Variants in CTH observed in about 807,000 individuals in gnomAD.
The protein encoded by CTH is cystathionine gamma-lyase, also known as cystathionase (cystathionine gamma-lyase).
In CTH, 41 loss-of-function variants were observed where a neutral mutation model predicts 50.6. The ratio of observed to expected loss-of-function variants is 0.81; its 90% CI spans 0.63 to 1.05. CTH has a LOEUF of 1.05. Among genes scored for constraint, CTH ranks in the 50% least tolerant of loss-of-function variants. The pLI, the probability that CTH is intolerant of heterozygous loss-of-function variation, is 0.00. For synonymous variants in CTH, 156 were observed against 168.9 expected (o/e 0.92, Z 0.59); for missense variants, 470 against 492.6 (o/e 0.95, Z 0.43).
chr1:70,430,196 G>C, intron 6 of CTH, 121 bp from the exon 7 acceptor site: 1 of 691,276 alleles, frequency 1.4e-6, no homozygotes. Context: ...TTATTTTATA[G>C]AGCTTTTTCC....
intron 5 of CTH, among the ~76,000 whole-genome samples, chr1:70,425,704 TAGGAGCAAGAGAG>T (rs1684331988): frequency 1.3e-5 from 2 of 151,656 alleles, no homozygotes; most frequent in Non-Finnish European, 2.9e-5. Context: ...ATGACCAGAG[TAGGAGCAAGAGAG>T]AGAACGAGGG....
intron 8 of CTH, 115 bp downstream of exon 8, chr1:70,432,350 A>G: frequency 7.7e-7 from 1 of 1,296,038 alleles, no homozygotes; most frequent in Non-Finnish European, 1.1e-6. Flanking sequence ...GTTTTTGTTC[A>G]TTTATTATTG....
chr1:70,438,850 G>GTGTA (rs2101765170), intron 11 of CTH, 24 bp downstream of exon 11: 1 of 1,608,616 alleles, frequency 6.2e-7, no homozygotes, highest in South Asian at 1.1e-5. Context: ...TTGTGTGTGT[G>GTGTA]TGTGTGTGTG....
chr1:70,416,126 C>A, intron 2 of CTH, 89 bp downstream of exon 2: 1 of 842,696 alleles, frequency 1.2e-6, no homozygotes, highest in Non-Finnish European at 2.0e-6. Flanking sequence ...TGAAAAGAAA[C>A]AGATTTGCTA....
chr1:70,422,991 C>T (rs934020791), intron 4 of CTH, among the ~76,000 whole-genome samples: 2 of 152,052 alleles, frequency 1.3e-5, no homozygotes, highest in African/African-American at 4.8e-5. Flanking sequence ...AGTGACTCTA[C>T]CAACTTGAAT....
chr1:70,432,198 G>A lies in CTH; in HGVS notation c.840G>A (p.Leu280=), dbSNP rs1684491501. 2 of 1,614,048 alleles carry A rather than the reference G, an allele frequency of 1.2e-6. No homozygotes were observed. The highest frequency in any genetic ancestry group is 1.3e-5 in the African/African-American group (1 of 74,928). Residue 280 remains leucine (L), a synonymous_variant, in exon 8 of 12, where the codon CTG becomes CTA. Transcript: ENST00000370938. ...ACGGAATGGCAGTTGCCCAGTTCCT[G>A]GAATCTAATCCTTGGGTAGAAAAGG... ...FKNGMAVAQF[L]ESNPWVEKVI...
intron 6 of CTH, 80 bp downstream of exon 6, chr1:70,429,931 G>A: frequency 2.0e-6 from 2 of 1,007,062 alleles, no homozygotes; most frequent in South Asian, 2.6e-5. Flanking sequence ...CCTTTTCTTT[G>A]ATTATTTTGT....
chr1:70,438,377 A>T (rs887287322), intron 10 of CTH, among the ~76,000 whole-genome samples: 5 of 152,206 alleles, frequency 3.3e-5, no homozygotes, highest in Non-Finnish European at 7.3e-5. Context: ...AGGTATTAAA[A>T]TATACACATT....
intron 5 of CTH, among the ~76,000 whole-genome samples, chr1:70,428,321 A>G (rs943783053): frequency 2.6e-5 from 4 of 152,192 alleles, no homozygotes; most frequent in African/African-American, 4.8e-5. Context: ...TTGGTGTTCT[A>G]CTGCACAAAA....
chr1:70,438,258 T>C (rs559062), intron 10 of CTH, among the ~76,000 whole-genome samples: 114,990 of 152,112 alleles, frequency 0.76, 43,592 homozygotes, highest in East Asian at 0.82. Flanking sequence ...CTGGATTGAT[T>C]CAGAGGAAAC....
At chr1:70,414,793 G>C (rs933271450) in intron 1 of CTH, among the ~76,000 whole-genome samples, 1 of 151,946 alleles carries the variant, frequency 6.6e-6, no homozygotes, top group Non-Finnish European at 1.5e-5. Flanking sequence ...AGCTAGCAGG[G>C]TGCCATATAT....
chr1:70,430,213 G>A (rs1684433539), intron 6 of CTH, 104 bp from the exon 7 acceptor site: 1 of 736,824 alleles, frequency 1.4e-6, no homozygotes. Flanking sequence ...TTCCCTGAGA[G>A]TTTTTTCAAG....
intron 1 of CTH, among the ~76,000 whole-genome samples, chr1:70,414,154 C>T (rs1228750615): frequency 6.6e-6 from 1 of 151,408 alleles, no homozygotes; most frequent in East Asian, 1.9e-4. Flanking sequence ...CTGCAGGGTA[C>T]AGCTGCAGGT....
chr1:70,420,018 G>C (rs1180854477), intron 3 of CTH, among the ~76,000 whole-genome samples: 1 of 149,780 alleles, frequency 6.7e-6, no homozygotes, highest in Non-Finnish European at 1.5e-5. Flanking sequence ...TTTTGAGGTG[G>C]AGTCTTGCTC....
chr1:70,417,944 C>T lies in CTH; in HGVS notation c.258C>T (p.Ala86=), dbSNP rs772530273. The change falls in exon 3 of 12, where the codon GCC becomes GCT. Residue 86 remains alanine (A), a synonymous_variant. Coordinates refer to ENST00000370938, the MANE Select transcript of CTH (RefSeq NM_001902.6). The stretch of plus-strand genomic sequence containing the variant: ...ACTTGATTTTTATTTTAGGTTTGGC[C>T]TTTGCTTCAGGTTTAGCAGCCACTG... ...AALDGAKYCL[A]FASGLAATVT... is the part of the protein sequence containing the mutation. The T allele has an allele frequency of 1.1e-5, 17 of 1,613,842 alleles. No individual in the cohort carries two copies. The highest frequency in any genetic ancestry group is 1.7e-5 in the Admixed American group (1 of 59,992).
intron 11 of CTH, 37 bp from the exon 12 acceptor site, chr1:70,439,064 T>C (rs752952965): frequency 3.1e-6 from 5 of 1,598,146 alleles, no homozygotes; most frequent in Non-Finnish European, 4.3e-6. Context: ...GGCCTATATG[T>C]TTAATAACAT....
chr1:70,424,547 A>G, intron 5 of CTH, 131 bp downstream of exon 5: 1 of 1,464,560 alleles, frequency 6.8e-7, no homozygotes, highest in Non-Finnish European at 9.3e-7. Context: ...TATTTACTGG[A>G]TCGAGAATTA....
intron 1 of CTH, 139 bp from the exon 2 acceptor site, chr1:70,415,817 T>C: frequency 1.5e-6 from 1 of 689,498 alleles, no homozygotes; most frequent in East Asian, 2.8e-5. Context: ...AGCACTGTTC[T>C]GCTTCTGTAT....
intron 3 of CTH, 78 bp downstream of exon 3, chr1:70,418,110 A>C: frequency 6.7e-7 from 1 of 1,501,932 alleles, no homozygotes. Context: ...TAATATTAAC[A>C]ATGTTGCCAG....
Sources: gnomAD v4.1 joint callset for allele counts (sites outside exome capture counted in the v4.1 genomes callset) on GRCh38, gnomAD v4.1.1 for gene constraint, MANE v1.5 for transcripts, NCBI Gene and HGNC (gene_info 2026-07-23, HGNC 2026-07-21) for gene names.